Variants in ACAN observed in about 807,000 individuals in gnomAD.
ACAN encodes the protein aggrecan core protein.
In ACAN, 47 loss-of-function variants were observed where a neutral mutation model predicts 169.1. That is an observed-to-expected ratio of 0.28 (90% CI 0.22 to 0.35). The LOEUF is 0.35. Ranked by LOEUF, ACAN falls within the 10% of genes least tolerant of loss-of-function variation. The pLI, the probability that ACAN is intolerant of heterozygous loss-of-function variation, is 1.00. For synonymous variants in ACAN, 1,115 were observed against 1,112.2 expected, an observed-to-expected ratio of 1.00 and a Z score of -0.05; for missense variants, 2,716 against 2,759.9, an observed-to-expected ratio of 0.98 and a Z score of 0.36.
chr15:88,868,372 C>A lies in ACAN; in HGVS notation c.7060+43C>A. 1 of 693,738 alleles carries A rather than the reference C, an allele frequency of 1.4e-6. No individual in the cohort carries two copies. Among genetic ancestry groups the A allele is most frequent in the Non-Finnish European group, 2.6e-6 (1 of 379,584 alleles). 43.0% of individuals were successfully genotyped at this position (693,738 alleles called of 1,614,324 possible). Reference sequence around the variant, plus strand: ...TCAGCTAATGTTACTAACTGCTGCACCCCCTCCTCCTCCCTCACCTTTCCC... The same window carrying A: ...TCAGCTAATGTTACTAACTGCTGCAACCCCTCCTCCTCCCTCACCTTTCCC... On this transcript the variant is annotated intron_variant, in intron 14 of 18. Coordinates refer to ENST00000560601, the MANE Select transcript of ACAN (RefSeq NM_001369268.1). This position sits in a 1 kb window ranked among gnomAD's most constrained non-coding sequence, Gnocchi z 5.2.
intron 1 of ACAN, 26 bp downstream of exon 1, chr15:88,803,835 G>C (rs1895602203): frequency 6.6e-6 from 1 of 152,404 alleles, no homozygotes; most frequent in South Asian, 2.1e-4. Flanking sequence ...CCTCCAGAGC[G>C]AGGCTCTCCC....
In ACAN at chr15:88,845,815, G is replaced by T. The variant is rs757639456; in HGVS notation, c.1362G>T (p.Thr454=). The T allele has an allele frequency of 8.4e-6, 13 of 1,545,522 alleles. No individual in the cohort carries two copies. Among genetic ancestry groups the T allele is most frequent in the Non-Finnish European group, 1.1e-5 (13 of 1,145,008 alleles). ...GFPTPGLGPA[T]AFTSEDLVVQ... ...CCACACCTGGCCTGGGCCCTGCCAC[G>T]GCATTCACCAGTGAGGACCTCGTCG... is the stretch of plus-strand genomic sequence containing the variant. The change falls in exon 7 of 19, where the codon ACG becomes ACT. Residue 454 remains threonine, a synonymous_variant. Coordinates refer to ENST00000560601, the MANE Select transcript of ACAN (RefSeq NM_001369268.1).
rs551246840 is a variant in ACAN, at chr15:88,859,130, C to T, written c.6545C>T (p.Pro2182Leu). The T allele has an allele frequency of 3.1e-6, 5 of 1,613,858 alleles. No individual in the cohort carries two copies. The highest frequency in any genetic ancestry group is 1.3e-5 in the African/African-American group (1 of 75,062). ...ACCAGTGATGTGGGGACAGAGGCAC[C>T]AGGCTTGCCTTCAGCCACTCCCACG... The part of the protein sequence containing the change: ...TTTSDVGTEA[P>L]GLPSATPTAS... The change falls in exon 12 of 19, where the codon CCA (proline) becomes CTA (leucine). Residue 2182 changes from proline to leucine, a missense_variant. By Grantham distance (98) the Pro-to-Leu change is moderately conservative. Around this residue, in one of 3 missense-constraint regions of ACAN, gnomAD observed 1,389 missense variants for 1,363.7 expected, o/e 1.02. Transcript: ENST00000560601.
At chr15:88,806,986 A>C (rs1050187168) in intron 1 of ACAN, among the ~76,000 whole-genome samples, 2 of 152,186 alleles carry the variant, frequency 1.3e-5, no homozygotes, top group African/African-American at 4.8e-5. Flanking sequence ...TTATAATATA[A>C]ATGTATATAT....
At position 88,847,267 on chromosome 15, in the gene ACAN, G is replaced by A; in HGVS notation, c.1454G>A (p.Gly485Glu). Residue 485 changes from glycine to glutamate, a missense_variant, in exon 8 of 19, where the codon GGA becomes GAA. By Grantham distance (98) the Gly-to-Glu change is moderately conservative (BLOSUM62 -2). This residue lies in a region of ACAN where 1,283 missense variants were observed against 1,281.5 expected (regional missense o/e 1.00). Coordinates refer to ENST00000560601, the MANE Select transcript of ACAN (RefSeq NM_001369268.1). The stretch of plus-strand genomic sequence containing the variant: ...GGGGTCGTCTTCCACTACCGCCCGG[G>A]ACCCACCCGCTACTCGCTGACCTTT... Reference protein sequence around the residue: ...PGGVVFHYRPGPTRYSLTFEE... With the variant: ...PGGVVFHYRPEPTRYSLTFEE... 6.4e-7 allele frequency: 1 copy of A among 1,561,724 alleles called. No individual in the cohort carries two copies. The highest frequency in any genetic ancestry group is 1.2e-5 in the South Asian group (1 of 84,546).
At chr15:88,840,208 A>G (rs761855915) in intron 4 of ACAN, 22 bp downstream of exon 4, 1 of 1,562,532 alleles carries the variant, frequency 6.4e-7, no homozygotes, top group Non-Finnish European at 8.6e-7. Context: ...CCCATCAGCT[A>G]GTGGGGGCCA....
At chr15:88,826,750 T>C (rs913049490) in intron 1 of ACAN, among the ~76,000 whole-genome samples, 1 of 152,214 alleles carries the variant, frequency 6.6e-6, no homozygotes, top group Non-Finnish European at 1.5e-5. Context: ...TTTCCGGATC[T>C]GAAATTCCAT....
At chr15:88,819,890 C>T (rs1351517403) in intron 1 of ACAN, among the ~76,000 whole-genome samples, 1 of 152,152 alleles carries the variant, frequency 6.6e-6, no homozygotes, top group African/African-American at 2.4e-5. Flanking sequence ...CTGGCACACA[C>T]ATGGGAAGCA....
At chr15:88,844,262 G>A (rs1000096180) in intron 6 of ACAN, among the ~76,000 whole-genome samples, 1 of 148,406 alleles carries the variant, frequency 6.7e-6, no homozygotes, top group Non-Finnish European at 1.5e-5. Flanking sequence ...AGCCTCCCAT[G>A]CAACTGGGAA....
chr15:88,826,694 G>A (rs542489333), intron 1 of ACAN, among the ~76,000 whole-genome samples: 32 of 152,234 alleles, frequency 2.1e-4, no homozygotes, highest in Middle Eastern at 3.4e-3. Context: ...TCCCTCTCTC[G>A]TGAACTAATT....
rs72767250 is a variant in ACAN, at chr15:88,849,051, G to A, written c.1733-387G>A. On this transcript the variant is annotated intron_variant, in intron 9 of 18. Transcript: ENST00000560601. This position sits in a 1 kb window ranked among gnomAD's most constrained non-coding sequence, Gnocchi z 5.1. ...GTGATAAGTGCAGTGGTGTAGGGGT[G>A]CAAAGGGATTGGAGGGGGCCCAGGC... Among the ~76,000 whole-genome samples the A allele has an allele frequency of 0.084, 12,831 of 152,314 alleles. 674 individuals are homozygous for A. The highest frequency in any genetic ancestry group is 0.2 in the East Asian group (1,009 of 5,168).
At chr15:88,831,906 C>T (rs549923766) in intron 1 of ACAN, among the ~76,000 whole-genome samples, 1 of 152,292 alleles carries the variant, frequency 6.6e-6, no homozygotes, top group East Asian at 1.9e-4. Context: ...AGGCAGGAAG[C>T]AGATTGGACC....
Position 88,872,094 on chromosome 15 carries a change from T to C in ACAN, c.7302+9T>C. Reference sequence around the variant, plus strand: ...CAGATGGACACCCCATGGTGAGTTCTGCTGTAGGCACAGCTGGTGGCCCAG... The same window carrying C: ...CAGATGGACACCCCATGGTGAGTTCCGCTGTAGGCACAGCTGGTGGCCCAG... On this transcript the variant is annotated intron_variant, in intron 16 of 18. Coordinates refer to ENST00000560601, the MANE Select transcript of ACAN (RefSeq NM_001369268.1). This position sits in a 1 kb window ranked among gnomAD's most constrained non-coding sequence, Gnocchi z 5.4. 3 of 1,612,718 alleles carry C rather than the reference T, an allele frequency of 1.9e-6. No individual in the cohort carries two copies. The highest frequency in any genetic ancestry group is 2.5e-6 in the Non-Finnish European group (3 of 1,178,858).
intron 1 of ACAN, among the ~76,000 whole-genome samples, chr15:88,820,906 G>GT (rs970755428): frequency 2.0e-5 from 3 of 152,164 alleles, no homozygotes; most frequent in African/African-American, 7.2e-5. Context: ...ATGACTCACA[G>GT]TTTAGCACAG....
At chr15:88,820,671 G>A (rs1162404239) in intron 1 of ACAN, among the ~76,000 whole-genome samples, 1 of 152,014 alleles carries the variant, frequency 6.6e-6, no homozygotes, top group African/African-American at 2.4e-5. Flanking sequence ...AGCTCTCCCA[G>A]GTCTCCCAAA....
In ACAN at chr15:88,858,329, G is replaced by C. The variant is rs781254805; in HGVS notation, c.5744G>C (p.Ser1915Thr). ...GAATCCTCCAGAGCTGAGATTGGGAGCAGCCTGCCCTCGGGAGCATATTAT... is the reference window on the plus strand; with the variant it reads ...GAATCCTCCAGAGCTGAGATTGGGACCAGCCTGCCCTCGGGAGCATATTAT... ...SGESSRAEIG[S>T]SLPSGAYYGS... The change falls in exon 12 of 19, where the codon AGC becomes ACC. Residue 1915 changes from serine to threonine, a missense_variant. Around this residue, in one of 3 missense-constraint regions of ACAN, gnomAD observed 1,389 missense variants for 1,363.7 expected, o/e 1.02. Coordinates refer to ENST00000560601, the MANE Select transcript of ACAN (RefSeq NM_001369268.1). The surrounding 1 kb of genome is among the most constrained non-coding windows in gnomAD (Gnocchi z 4.0). The C allele has an allele frequency of 1.9e-5, 30 of 1,613,868 alleles. No individual in the cohort carries two copies. Among genetic ancestry groups the C allele is most frequent in the Non-Finnish European group, 4.2e-6 (5 of 1,179,908 alleles).
chr15:88,821,512 T>G (rs1896075406), intron 1 of ACAN, among the ~76,000 whole-genome samples: 1 of 152,202 alleles, frequency 6.6e-6, no homozygotes. Flanking sequence ...TCACAGCTGG[T>G]CCATCTATAG....
rs758408175 is a variant in ACAN, at chr15:88,874,360, T to C, written c.7631-45T>C. ...GGGAGAGCCTGGGCTCGCCCCACTT[T>C]CTTTCCAGGTCCACTGATATCTTTC... On this transcript the variant is annotated intron_variant, in intron 18 of 18. Transcript: ENST00000560601. This position sits in a 1 kb window ranked among gnomAD's most constrained non-coding sequence, Gnocchi z 7.3. The C allele has an allele frequency of 2.0e-6, 3 of 1,535,286 alleles. No individual in the cohort carries two copies. The highest frequency in any genetic ancestry group is 2.7e-6 in the Non-Finnish European group (3 of 1,128,486).
At position 88,823,982 on chromosome 15, in the gene ACAN, G is replaced by T. The variant is rs1386714495; in HGVS notation, c.-7-12218G>T. On this transcript the variant is annotated intron_variant, in intron 1 of 18. Coordinates refer to ENST00000560601, the MANE Select transcript of ACAN (RefSeq NM_001369268.1). ...TCTTATGTGTTCTAAGGCTGAGGCA[G>T]GAAGACTGTGAGATCAGGTGACACT... Among the ~76,000 whole-genome samples, 6 of 152,176 alleles carry T rather than the reference G, an allele frequency of 3.9e-5. No individual in the cohort carries two copies. The East Asian group carries it at 1.2e-3, about 29-fold the overall frequency.
Sources: allele counts gnomAD v4.1 joint callset (sites outside exome capture counted in the v4.1 genomes callset), GRCh38; gene constraint gnomAD v4.1.1; regional missense constraint gnomAD v4.1.1; non-coding constraint Gnocchi (gnomAD v3.1); transcripts MANE v1.5; gene names NCBI Gene and HGNC (gene_info 2026-07-23, HGNC 2026-07-21).